Variants in TFDP2 observed in about 807,000 individuals in gnomAD.
TFDP2 encodes transcription factor Dp-2 (E2F dimerization partner 2).
TFDP2 carries 17 observed loss-of-function variants against 59.3 expected under a neutral mutation model. That is an observed-to-expected ratio of 0.29 (90% CI 0.20 to 0.43). The LOEUF is 0.43. Ranked by LOEUF, TFDP2 falls within the 20% of genes least tolerant of loss-of-function variation. The pLI is 1.00. For synonymous variants in TFDP2, 180 were observed against 194.7 expected (o/e 0.92, Z 0.63); for missense variants, 391 against 528.8 (o/e 0.74, Z 2.56).
intron 3 of TFDP2, among the ~76,000 whole-genome samples, chr3:142,033,526 G>C (rs1342037381): frequency 6.6e-6 from 1 of 152,058 alleles, no homozygotes; most frequent in Admixed American, 6.6e-5. Flanking sequence ...GCTTCACAAA[G>C]ATAAGGGAGG....
rs1553759859 is a variant in TFDP2 at position 141,969,093 on chromosome 3, T to TATATATAA, written c.732+979_732+980insTTATATAT. On this transcript the variant is annotated intron_variant, in intron 9 of 12. Coordinates refer to ENST00000489671, the MANE Select transcript of TFDP2 (RefSeq NM_001178139.2). ...ATATATGAGATATATATATATAACA[T>TATATATAA]ATATATATATCTCATATATATGAGA... Among the ~76,000 whole-genome samples, 2 of 48,112 alleles carry TATATATAA rather than the reference T, an allele frequency of 4.2e-5. 1 individual carries two copies. The highest frequency in any genetic ancestry group is 8.3e-4 in the East Asian group (2 of 2,396). 31.6% of individuals were successfully genotyped at this position (48,112 alleles called of 152,430 possible). A position where few individuals can be genotyped will look rare whatever the true frequency, so the allele number is the denominator to read the frequency against.
intron 3 of TFDP2, 33 bp downstream of exon 3, chr3:142,093,028 T>G: frequency 1.4e-6 from 2 of 1,450,608 alleles, no homozygotes; most frequent in Non-Finnish European, 1.9e-6. Context: ...AAAACTAACT[T>G]AATTCAGAAA....
intron 1 of TFDP2, 30 bp from the exon 2 acceptor site, chr3:142,101,871 TGTAATA>T: frequency 2.0e-6 from 1 of 503,728 alleles, no homozygotes; most frequent in African/African-American, 1.9e-5. Context: ...GGAATAGTAA[TGTAATA>T]ATAATAATAG....
intron 1 of TFDP2, among the ~76,000 whole-genome samples, chr3:142,117,345 G>A (rs73872578): frequency 6.6e-6 from 1 of 151,134 alleles, no homozygotes; most frequent in African/African-American, 2.4e-5. Context: ...ACCCACAAAG[G>A]ATCTAGGCCA....
chr3:142,058,063 G>A (rs2059799124), intron 3 of TFDP2, among the ~76,000 whole-genome samples: 1 of 152,170 alleles, frequency 6.6e-6, no homozygotes, highest in Non-Finnish European at 1.5e-5. Flanking sequence ...CAGAAACGGA[G>A]ATAAGGATAT....
Position 141,944,522 on chromosome 3 carries a change from G to A in TFDP2, c.*7991C>T, listed in dbSNP as rs988342926. 1.1e-4 allele frequency: 16 copies of A among 152,080 alleles called. No individual in the cohort carries two copies. The highest frequency in any genetic ancestry group is 3.9e-4 in the African/African-American group (16 of 41,404). 9.4% of individuals were successfully genotyped at this position (152,080 alleles called of 1,614,324 possible). A position where few individuals can be genotyped will look rare whatever the true frequency, so the allele number is the denominator to read the frequency against. The stretch of plus-strand genomic sequence containing the variant: ...TCTCAAGAACAACTTACACTCATTT[G>A]AGATGCTTTTTCTTTCCTTTAATCT... On this transcript the variant is annotated 3_prime_UTR_variant, in exon 13 of 13. Transcript: ENST00000489671.
intron 6 of TFDP2, among the ~76,000 whole-genome samples, chr3:141,989,857 G>A (rs2108151667): frequency 6.7e-6 from 1 of 149,220 alleles, no homozygotes; most frequent in Admixed American, 6.7e-5. Flanking sequence ...ATTTTTTACA[G>A]CACTTTTACA....
intron 1 of TFDP2, among the ~76,000 whole-genome samples, chr3:142,135,312 C>A (rs1161047727): frequency 1.3e-5 from 2 of 152,064 alleles, no homozygotes; most frequent in African/African-American, 4.8e-5. Flanking sequence ...AAACTTCTAG[C>A]ATTTTTCTCT....
rs574140001 is a variant in TFDP2 at position 141,988,082 on chromosome 3, AC to A, written c.356+5455del. 4.9e-3 allele frequency among the ~76,000 whole-genome samples: 753 copies of A among 152,152 alleles called. 5 individuals are homozygous for A. The highest frequency in any genetic ancestry group is 0.017 in the African/African-American group (718 of 41,518). ...TGCCTCAGCTTCCCAAATAGCTGGG[AC>A]TACAGGAGTATACCACCATGCCTGG... is the stretch of plus-strand genomic sequence containing the variant. On this transcript the variant is annotated intron_variant, in intron 6 of 12. Coordinates refer to ENST00000489671, the MANE Select transcript of TFDP2 (RefSeq NM_001178139.2).
At chr3:142,021,283 G>C (rs1945580682) in intron 3 of TFDP2, among the ~76,000 whole-genome samples, 1 of 152,136 alleles carries the variant, frequency 6.6e-6, no homozygotes, top group Admixed American at 6.5e-5. Flanking sequence ...TCTAAATGGA[G>C]ATCAGGCATC....
chr3:142,083,634 T>A (rs1336731528), intron 3 of TFDP2, among the ~76,000 whole-genome samples: 3 of 152,252 alleles, frequency 2.0e-5, no homozygotes. Context: ...CAAAATGGCA[T>A]GATACTGGCA....
In TFDP2 at chr3:141,968,542, T is replaced by TATATATCTCATATATAGATATATATAAC. The variant is rs1938719049; in HGVS notation, c.732+1530_732+1531insGTTATATATATCTATATATGAGATATAT. 5.2e-5 allele frequency among the ~76,000 whole-genome samples: 5 copies of TATATATCTCATATATAGATATATATAAC among 95,658 alleles called. 1 individual carries two copies. Among genetic ancestry groups the TATATATCTCATATATAGATATATATAAC allele is most frequent in the African/African-American group, 2.7e-4 (5 of 18,336 alleles). The allele number at this position is 95,658 out of a possible 152,430, so 62.8% of individuals were successfully genotyped here. A position where few individuals can be genotyped will look rare whatever the true frequency, so the allele number is the denominator to read the frequency against. On this transcript the variant is annotated intron_variant, in intron 9 of 12. Coordinates refer to ENST00000489671, the MANE Select transcript of TFDP2 (RefSeq NM_001178139.2). ...CTCATATATATAGATATATATAACA[T>TATATATCTCATATATAGATATATATAAC]ATATATATCTCATATATATAGATAT... is the stretch of plus-strand genomic sequence containing the variant.
At chr3:142,087,354 G>T (rs2060835204) in intron 3 of TFDP2, among the ~76,000 whole-genome samples, 1 of 152,106 alleles carries the variant, frequency 6.6e-6, no homozygotes, top group African/African-American at 2.4e-5. Context: ...GTAAGTATTT[G>T]TGTACCTAAA....
At chr3:141,980,808 T>C (rs1029649949) in intron 6 of TFDP2, among the ~76,000 whole-genome samples, 1 of 152,188 alleles carries the variant, frequency 6.6e-6, no homozygotes, top group Admixed American at 6.5e-5. Flanking sequence ...AGTGCTGGGA[T>C]TACAGATGTG....
At chr3:142,015,098 CCTGGTTCTCCTCCCAACCTA>C (rs1164412645) in intron 3 of TFDP2, among the ~76,000 whole-genome samples, 1 of 152,194 alleles carries the variant, frequency 6.6e-6, no homozygotes, top group East Asian at 1.9e-4. Context: ...ACCATTTTCT[CCTGGTTCTCCTCCCAACCTA>C]CTGGCCATTC....
At chr3:142,124,372 GA>G (rs938971430) in intron 1 of TFDP2, among the ~76,000 whole-genome samples, 13 of 152,220 alleles carry the variant, frequency 8.5e-5, no homozygotes, top group African/African-American at 3.1e-4. Context: ...ACTGATAAGT[GA>G]AAAAGCATAC....
intron 3 of TFDP2, among the ~76,000 whole-genome samples, chr3:142,033,056 A>G (rs376699865): frequency 2.0e-4 from 31 of 152,158 alleles, no homozygotes; most frequent in African/African-American, 7.2e-4. Flanking sequence ...TTAGCTGGGC[A>G]TGGTGGCAGG....
rs373036798 is a variant in TFDP2 at position 141,956,541 on chromosome 3, G to GT, written c.1051+3132_1051+3133insA. On this transcript the variant is annotated intron_variant, in intron 11 of 12. Coordinates refer to ENST00000489671, the MANE Select transcript of TFDP2 (RefSeq NM_001178139.2). ...CACTCCAGCCTGGGTAACAGAGAGAGACTCCATCTCAAAAAAAAAGTCAAT... is the reference window on the plus strand; with the variant it reads ...CACTCCAGCCTGGGTAACAGAGAGAGTACTCCATCTCAAAAAAAAAGTCAAT... Among the ~76,000 whole-genome samples the GT allele has an allele frequency of 5.1e-3, 768 of 150,448 alleles. 9 individuals carry two copies. The highest frequency in any genetic ancestry group is 0.018 in the African/African-American group (725 of 41,186).
intron 1 of TFDP2, among the ~76,000 whole-genome samples, chr3:142,115,530 G>A (rs1270542731): frequency 6.6e-6 from 1 of 152,122 alleles, no homozygotes; most frequent in Non-Finnish European, 1.5e-5. Context: ...GTGTTAGCCA[G>A]GATGGTCTCG....
Sources: allele counts gnomAD v4.1 joint callset (sites outside exome capture counted in the v4.1 genomes callset), GRCh38; gene constraint gnomAD v4.1.1; transcripts MANE v1.5; gene names NCBI Gene and HGNC (gene_info 2026-07-23, HGNC 2026-07-21).